TOP2B: variants seen among roughly 807,000 people sequenced by gnomAD.
TOP2B encodes DNA topoisomerase II beta, also known as DNA topoisomerase 2-beta.
Under a neutral mutation model 193.5 loss-of-function variants are expected in TOP2B, and 51 were observed. The observed-to-expected ratio is 0.26, with a 90% confidence interval of 0.21 to 0.33. The LOEUF is 0.33. Among genes scored for constraint, TOP2B ranks in the 10% least tolerant of loss-of-function variants. The pLI, the probability that TOP2B is intolerant of heterozygous loss-of-function variation, is 1.00. For synonymous variants in TOP2B, 634 were observed against 635.7 expected, an observed-to-expected ratio of 1.00 and a Z score of 0.04; for missense variants, 1,378 against 1,909.3, an observed-to-expected ratio of 0.72 and a Z score of 5.19.
intron 1 of TOP2B, among the ~76,000 whole-genome samples, chr3:25,648,775 T>C (rs759735338): frequency 6.6e-6 from 1 of 152,126 alleles, no homozygotes; most frequent in African/African-American, 2.4e-5. Flanking sequence ...GACGGGAGGA[T>C]TGCCTGAGCC....
intron 1 of TOP2B, among the ~76,000 whole-genome samples, chr3:25,656,124 G>T (rs575562074): frequency 1.3e-5 from 2 of 152,242 alleles, no homozygotes; most frequent in South Asian, 4.1e-4. Flanking sequence ...TGTAAAATAA[G>T]TGTGATGAAT....
intron 7 of TOP2B, among the ~76,000 whole-genome samples, chr3:25,634,883 G>C (rs1703063779): frequency 6.6e-6 from 1 of 151,722 alleles, no homozygotes; most frequent in African/African-American, 2.4e-5. Flanking sequence ...GCTGGGGAAA[G>C]AGAATAGAGG....
chr3:25,620,633 T>G (rs775226936), intron 22 of TOP2B, 49 bp downstream of exon 22: 1 of 1,556,700 alleles, frequency 6.4e-7, no homozygotes, highest in Non-Finnish European at 8.7e-7. Flanking sequence ...CAGAAAAAAT[T>G]GCTTAATACA....
intron 27 of TOP2B, among the ~76,000 whole-genome samples, chr3:25,614,114 T>C (rs1350065540): frequency 6.6e-6 from 1 of 152,176 alleles, no homozygotes; most frequent in Non-Finnish European, 1.5e-5. Context: ...TTAAATAAGT[T>C]GTTTGGACCT....
Position 25,664,419 on chromosome 3 carries a change from C to T in TOP2B, c.-122G>A. On this transcript the variant is annotated 5_prime_UTR_variant, in exon 1 of 36. Transcript: ENST00000264331. Reference sequence around the variant, plus strand: ...CTCGCCGCACTCCTAGCCGCGCCGACCCCCGCGCCCCATCGCGAAGATCCG... The same window carrying T: ...CTCGCCGCACTCCTAGCCGCGCCGATCCCCGCGCCCCATCGCGAAGATCCG... 2 of 1,271,410 alleles carry T rather than the reference C, an allele frequency of 1.6e-6. No individual in the cohort carries two copies. Among genetic ancestry groups the T allele is most frequent in the Non-Finnish European group, 2.0e-6 (2 of 1,013,804 alleles). 78.8% of individuals were successfully genotyped at this position (1,271,410 alleles called of 1,614,324 possible). A position where few individuals can be genotyped will look rare whatever the true frequency, so the allele number is the denominator to read the frequency against.
At chr3:25,637,999 T>C (rs1339916130) in intron 5 of TOP2B, among the ~76,000 whole-genome samples, 166 bp downstream of exon 5, 1 of 151,978 alleles carries the variant, frequency 6.6e-6, no homozygotes, top group Non-Finnish European at 1.5e-5. Context: ...GGTTTTTAAA[T>C]GTCACTGTTA....
intron 7 of TOP2B, 73 bp from the exon 8 acceptor site, chr3:25,634,087 C>T (rs552715323): frequency 2.9e-5 from 33 of 1,120,762 alleles, no homozygotes; most frequent in East Asian, 1.6e-4. Flanking sequence ...ACCTTCAGTA[C>T]GTATACTTTC....
At chr3:25,615,111 G>T in intron 27 of TOP2B, 94 bp downstream of exon 27, 2 of 1,075,584 alleles carry the variant, frequency 1.9e-6, no homozygotes, top group Non-Finnish European at 2.7e-6. Context: ...AACCTTCACA[G>T]AGTTAAAGAA....
chr3:25,609,155 T>C, intron 30 of TOP2B, 28 bp downstream of exon 30: 2 of 1,570,544 alleles, frequency 1.3e-6, no homozygotes, highest in Non-Finnish European at 1.7e-6. Flanking sequence ...AACTATAATA[T>C]ACAGTAATAT....
At chr3:25,608,879 T>TA (rs1702299718) in intron 30 of TOP2B, among the ~76,000 whole-genome samples, 1 of 152,168 alleles carries the variant, frequency 6.6e-6, no homozygotes, top group Non-Finnish European at 1.5e-5. Flanking sequence ...GCACTTCTAA[T>TA]ATTAATAGAT....
At chr3:25,648,992 C>T (rs1703498930) in intron 1 of TOP2B, among the ~76,000 whole-genome samples, 2 of 152,072 alleles carry the variant, frequency 1.3e-5, no homozygotes, top group Admixed American at 6.5e-5. Flanking sequence ...CAAACAAAAA[C>T]TCGGTGTAAC....
intron 10 of TOP2B, 141 bp from the exon 11 acceptor site, chr3:25,631,080 T>C (rs1241357506): frequency 8.8e-6 from 5 of 569,378 alleles, no homozygotes; most frequent in Non-Finnish European, 1.4e-5. Flanking sequence ...ATAAGCATCA[T>C]GATACATGCT....
At chr3:25,618,311 C>A (rs1702565631) in intron 25 of TOP2B, 107 bp downstream of exon 25, 2 of 738,240 alleles carry the variant, frequency 2.7e-6, no homozygotes, top group Non-Finnish European at 4.6e-6. Flanking sequence ...ATAGACAACT[C>A]AGCACCTTTA....
At position 25,598,638 on chromosome 3, in the gene TOP2B, CTT is replaced by C. The variant is rs566274201; in HGVS notation, c.4711-163_4711-162del. Reference sequence around the variant, plus strand: ...CTAACCTAAGTGTAAGACCAGTTATCTTATTTTTTGGAGGAAAAAGATTACAT... The same window carrying C: ...CTAACCTAAGTGTAAGACCAGTTATCATTTTTTGGAGGAAAAAGATTACAT... On this transcript the variant is annotated intron_variant, in intron 35 of 35. Coordinates refer to ENST00000264331, the MANE Select transcript of TOP2B (RefSeq NM_001330700.2). 9.4e-4 allele frequency among the ~76,000 whole-genome samples: 143 copies of C among 152,274 alleles called. 1 individual carries two copies. Among genetic ancestry groups the C allele is most frequent in the Non-Finnish European group, 1.6e-3 (112 of 68,004 alleles).
At chr3:25,657,974 T>C (rs1703797348) in intron 1 of TOP2B, among the ~76,000 whole-genome samples, 1 of 128,252 alleles carries the variant, frequency 7.8e-6, no homozygotes, top group South Asian at 2.4e-4. Context: ...GGCAGGAGAA[T>C]GGCGTGAACC....
chr3:25,653,828 C>T (rs1043102122), intron 1 of TOP2B, among the ~76,000 whole-genome samples: 1 of 152,116 alleles, frequency 6.6e-6, no homozygotes, highest in Non-Finnish European at 1.5e-5. Context: ...TTGTACTACA[C>T]TATATTAACA....
intron 34 of TOP2B, among the ~76,000 whole-genome samples, chr3:25,600,212 G>T (rs1047118522): frequency 6.6e-6 from 1 of 151,954 alleles, no homozygotes; most frequent in African/African-American, 2.4e-5. Context: ...TTTAAGTAGG[G>T]GCCAGATGTT....
At chr3:25,645,650 T>G (rs1703394482) in intron 1 of TOP2B, among the ~76,000 whole-genome samples, 180 bp from the exon 2 acceptor site, 1 of 152,214 alleles carries the variant, frequency 6.6e-6, no homozygotes, top group Non-Finnish European at 1.5e-5. Context: ...AACATGAACC[T>G]GTAGTTTTGA....
chr3:25,611,299 G>T (rs149040782), intron 28 of TOP2B, among the ~76,000 whole-genome samples: 1 of 152,268 alleles, frequency 6.6e-6, no homozygotes, highest in South Asian at 2.1e-4. Flanking sequence ...AGAGTATCTG[G>T]GTAAATGAAC....
Sources: gnomAD v4.1 joint callset for allele counts (sites outside exome capture counted in the v4.1 genomes callset) on GRCh38, gnomAD v4.1.1 for gene constraint, MANE v1.5 for transcripts, NCBI Gene and HGNC (gene_info 2026-07-23, HGNC 2026-07-21) for gene names.